DUS2: variants seen among roughly 807,000 people sequenced by gnomAD.
The protein encoded by DUS2 is tRNA-dihydrouridine(20) synthase [NAD(P)+]-like.
DUS2 carries 52 observed loss-of-function variants against 71.3 expected under a neutral mutation model. That is an observed-to-expected ratio of 0.73 (90% confidence interval 0.58 to 0.92). The LOEUF is 0.92. Among genes scored for constraint, DUS2 ranks in the 40% least tolerant of loss-of-function variants. The pLI is 0.00. For missense variants in DUS2, 558 were observed against 622.6 expected, an observed-to-expected ratio of 0.90 and a Z score of 1.10; for synonymous variants, 204 against 227.8, an observed-to-expected ratio of 0.90 and a Z score of 0.94.
intron 2 of DUS2, among the ~76,000 whole-genome samples, chr16:68,035,441 G>A (rs2033503780): frequency 6.6e-6 from 1 of 150,820 alleles, no homozygotes; most frequent in Admixed American, 6.6e-5. Context: ...GGAGTTTAGC[G>A]GTATTATCAT....
At chr16:68,074,731 CT>C (rs1173565998) in intron 13 of DUS2, among the ~76,000 whole-genome samples, 2 of 152,254 alleles carry the variant, frequency 1.3e-5, no homozygotes, top group African/African-American at 4.8e-5. Context: ...TAGCCTCCCT[CT>C]TACATAGATG....
intron 12 of DUS2, among the ~76,000 whole-genome samples, chr16:68,071,756 G>T (rs930237298): frequency 6.6e-6 from 1 of 151,060 alleles, no homozygotes; most frequent in Non-Finnish European, 1.5e-5. Context: ...TCCTGCTTCA[G>T]CCTCCCAAGT....
chr16:68,034,113 T>G (rs919551410), intron 2 of DUS2, among the ~76,000 whole-genome samples: 1 of 152,126 alleles, frequency 6.6e-6, no homozygotes, highest in African/African-American at 2.4e-5. Context: ...TCACCCAGGC[T>G]GGAGTGCAGT....
chr16:68,075,300 C>T (rs2034141127), intron 13 of DUS2, 55 bp from the exon 14 acceptor site: 29 of 1,490,714 alleles, frequency 1.9e-5, no homozygotes, highest in Non-Finnish European at 2.4e-5. Context: ...TCCTGCAGTA[C>T]CCTGGATGCT....
chr16:68,044,617 G>A (rs2033675646), intron 3 of DUS2, among the ~76,000 whole-genome samples: 2 of 151,652 alleles, frequency 1.3e-5, no homozygotes, highest in Non-Finnish European at 1.5e-5. Context: ...GGCTGGTCTC[G>A]AACTCCTGAT....
chr16:68,050,613 C>T (rs987594929), intron 4 of DUS2, among the ~76,000 whole-genome samples: 5 of 151,870 alleles, frequency 3.3e-5, no homozygotes, highest in Admixed American at 6.6e-5. Context: ...CAAAATATGA[C>T]GTGTTTATAT....
chr16:68,051,465 G>A (rs545943759), intron 4 of DUS2, among the ~76,000 whole-genome samples: 2 of 152,120 alleles, frequency 1.3e-5, no homozygotes, highest in South Asian at 2.1e-4. Context: ...ACCATAGCTC[G>A]CTGCAGCCTC....
rs1487458614 is a variant in DUS2 at position 68,032,577 on chromosome 16, G to A, written c.-18-5429G>A. Among the ~76,000 whole-genome samples, 3 of 152,226 alleles carry A rather than the reference G, an allele frequency of 2.0e-5. No individual in the cohort carries two copies. In the East Asian group the frequency reaches 5.8e-4, roughly 29 times the overall value. ...GGCATTCAAGGACAAGGGGACCTTA[G>A]CATGGGCATGCATGACTGAGTTGGA... On this transcript the variant is annotated intron_variant, in intron 2 of 16. Coordinates refer to ENST00000565263, the MANE Select transcript of DUS2 (RefSeq NM_017803.5).
chr16:68,057,035 A>G (rs2033865483), intron 7 of DUS2, among the ~76,000 whole-genome samples: 1 of 134,918 alleles, frequency 7.4e-6, no homozygotes, highest in South Asian at 2.2e-4. Context: ...ATATAAATAT[A>G]TGTAATATAT....
At position 68,031,757 on chromosome 16, in the gene DUS2, C is replaced by T. The variant is rs188144558; in HGVS notation, c.-18-6249C>T. ...TTGCCCAGGCTGGAGGGCAGTGGTG[C>T]GATCTTGGCTAACTGCAACCTCTGC... On this transcript the variant is annotated intron_variant, in intron 2 of 16. Coordinates refer to ENST00000565263, the MANE Select transcript of DUS2 (RefSeq NM_017803.5). Among the ~76,000 whole-genome samples the T allele has an allele frequency of 6.4e-3, 968 of 152,038 alleles. 11 individuals are homozygous for T. Among genetic ancestry groups the T allele is most frequent in the African/African-American group, 0.022 (920 of 41,462 alleles).
rs1253549923 is a variant in DUS2, at chr16:68,078,778, C to G, written c.1274C>G (p.Ala425Gly). The G allele has an allele frequency of 6.2e-7, 1 of 1,611,068 alleles. No homozygotes were observed. The highest frequency in any genetic ancestry group is 1.1e-5 in the South Asian group (1 of 90,974). ...WDKSKKLAEQ[A>G]AAIVCLRSQG... ...AAGTCCAAGAAACTGGCGGAGCAGG[C>G]TGCAGCCATCGTCTGTCTGCGGAGC... Residue 425 changes from alanine (A) to glycine (G), a missense_variant, in exon 17 of 17, where the codon GCT becomes GGT. Coordinates refer to ENST00000565263, the MANE Select transcript of DUS2 (RefSeq NM_017803.5).
chr16:68,068,224 C>T (rs145030105), intron 10 of DUS2, among the ~76,000 whole-genome samples: 1,705 of 152,290 alleles, frequency 0.011, 10 homozygotes, highest in Middle Eastern at 0.024. Flanking sequence ...ATAGGAAGAG[C>T]CCAAGTTGTT....
At chr16:68,078,639 C>T (rs1598322527) in intron 16 of DUS2, 110 bp from the exon 17 acceptor site, 1 of 1,486,594 alleles carries the variant, frequency 6.7e-7, no homozygotes, top group South Asian at 1.2e-5. Flanking sequence ...AGTGGCATCC[C>T]TGGATGGTGA....
At chr16:68,039,006 C>T (rs561683199) in intron 3 of DUS2, among the ~76,000 whole-genome samples, 93 of 151,866 alleles carry the variant, frequency 6.1e-4, no homozygotes, top group Admixed American at 2.6e-3. Flanking sequence ...CGAGACCAGC[C>T]TGGGCAACGT....
chr16:68,068,097 C>T (rs980384849), intron 10 of DUS2, among the ~76,000 whole-genome samples: 1 of 152,206 alleles, frequency 6.6e-6, no homozygotes, highest in South Asian at 2.1e-4. Context: ...CTTGGCTTAC[C>T]ATTCACACTT....
At chr16:68,072,577 G>C (rs943024616) in intron 12 of DUS2, among the ~76,000 whole-genome samples, 5 of 152,218 alleles carry the variant, frequency 3.3e-5, no homozygotes, top group Non-Finnish European at 5.9e-5. Context: ...TCCCAGACAA[G>C]CTGAGTCAAG....
chr16:68,038,215 G>A, intron 3 of DUS2, 66 bp downstream of exon 3: 2 of 1,588,312 alleles, frequency 1.3e-6, no homozygotes, highest in South Asian at 2.2e-5. Flanking sequence ...TTTGTGTGTG[G>A]GAGTGGTCAG....
At chr16:68,059,806 C>T (rs956637909) in intron 7 of DUS2, among the ~76,000 whole-genome samples, 2 of 151,856 alleles carry the variant, frequency 1.3e-5, no homozygotes, top group African/African-American at 4.8e-5. Flanking sequence ...TTTAAAGATC[C>T]CCCTCCTCCA....
intron 3 of DUS2, among the ~76,000 whole-genome samples, chr16:68,039,572 C>T (rs1214326231): frequency 6.6e-6 from 1 of 152,076 alleles, no homozygotes; most frequent in East Asian, 1.9e-4. Flanking sequence ...GCGTCCGCCA[C>T]CACGCCTGGC....
Sources: allele counts gnomAD v4.1 joint callset (sites outside exome capture counted in the v4.1 genomes callset), GRCh38; gene constraint gnomAD v4.1.1; transcripts MANE v1.5; gene names NCBI Gene and HGNC (gene_info 2026-07-23, HGNC 2026-07-21).